Variants in CCNY observed in about 807,000 individuals in gnomAD.
CCNY encodes cyclin Y, also known as cyclin-Y.
CCNY carries 19 observed loss-of-function variants against 42.8 expected under a neutral mutation model. That is an observed-to-expected ratio of 0.44 (90% CI 0.31 to 0.65). The LOEUF (loss-of-function observed/expected upper bound fraction) is 0.65. Ranked by LOEUF, CCNY falls within the 30% of genes least tolerant of loss-of-function variation. The pLI is 0.07. For synonymous variants in CCNY, 165 were observed against 162.7 expected, an observed-to-expected ratio of 1.01 and a Z score of -0.11; for missense variants, 370 against 437.3, an observed-to-expected ratio of 0.85 and a Z score of 1.37.
chr10:35,520,369 C>G (rs1045762538), intron 4 of CCNY, among the ~76,000 whole-genome samples: 5 of 152,144 alleles, frequency 3.3e-5, no homozygotes, highest in Non-Finnish European at 7.3e-5. Context: ...AAGAAAACTC[C>G]TATTTTCTTT....
At chr10:35,341,007 C>A (rs1836168147) in intron 1 of CCNY, among the ~76,000 whole-genome samples, 1 of 152,308 alleles carries the variant, frequency 6.6e-6, no homozygotes, top group African/African-American at 2.4e-5. Flanking sequence ...CTGCTTCCAC[C>A]CTTGCCTGCT....
intron 1 of CCNY, among the ~76,000 whole-genome samples, chr10:35,359,512 A>T (rs5784448): frequency 0.016 from 2,011 of 126,720 alleles, 27 homozygotes; most frequent in African/African-American, 0.042. Flanking sequence ...TATTATTATT[A>T]TTTTTTTTTG....
intron 4 of CCNY, among the ~76,000 whole-genome samples, chr10:35,523,646 G>A (rs750383675): frequency 1.2e-4 from 18 of 152,180 alleles, no homozygotes; most frequent in Non-Finnish European, 2.4e-4. Flanking sequence ...TGATCTTGGG[G>A]CCCTGAAGAT....
chr10:35,324,621 G>A (rs1835858495), intron 3 of CCNY, among the ~76,000 whole-genome samples: 1 of 152,194 alleles, frequency 6.6e-6, no homozygotes, highest in African/African-American at 2.4e-5. Context: ...TAAGAGCTGA[G>A]ATGGGGGAAG....
At chr10:35,522,300 G>C (rs535053120) in intron 4 of CCNY, among the ~76,000 whole-genome samples, 58 of 152,134 alleles carry the variant, frequency 3.8e-4, no homozygotes, top group Non-Finnish European at 6.6e-4. Context: ...ACAGTTTCTG[G>C]GCCCCTGACT....
rs145227141 is a variant in CCNY at position 35,441,940 on chromosome 10, C to T, written c.155-41464C>T. ...GGCTGTATGATTTAAAATGATCATACTTAAGAGAATACCCATTGTTGTAAA... is the reference window on the plus strand; with the variant it reads ...GGCTGTATGATTTAAAATGATCATATTTAAGAGAATACCCATTGTTGTAAA... On this transcript the variant is annotated intron_variant, in intron 1 of 9. Transcript: ENST00000374704. Among the ~76,000 whole-genome samples the T allele has an allele frequency of 2.6e-5, 4 of 152,260 alleles. No individual in the cohort carries two copies. The East Asian group carries it at 7.7e-4, about 29-fold the overall frequency.
intron 1 of CCNY, among the ~76,000 whole-genome samples, chr10:35,466,822 G>C (rs990543151): frequency 6.6e-6 from 1 of 152,192 alleles, no homozygotes; most frequent in African/African-American, 2.4e-5. Context: ...ACCCAGGCTG[G>C]AATGTGGTGG....
intron 1 of CCNY, among the ~76,000 whole-genome samples, chr10:35,384,696 A>T (rs143242788): frequency 1.3e-5 from 2 of 151,998 alleles, no homozygotes; most frequent in African/African-American, 4.8e-5. Context: ...ATGTGTGGAG[A>T]TGACTCCAGG....
chr10:35,409,265 G>A (rs1837852204), intron 1 of CCNY, among the ~76,000 whole-genome samples: 1 of 152,200 alleles, frequency 6.6e-6, no homozygotes, highest in Non-Finnish European at 1.5e-5. Context: ...CAAGTTGCAA[G>A]CCAGTGAACT....
At chr10:35,544,123 T>G (rs918261145) in intron 7 of CCNY, among the ~76,000 whole-genome samples, 1 of 152,172 alleles carries the variant, frequency 6.6e-6, no homozygotes, top group African/African-American at 2.4e-5. Flanking sequence ...TTTCATAAAT[T>G]TAATAGAGCC....
chr10:35,430,887 C>T (rs1046460951), intron 1 of CCNY, among the ~76,000 whole-genome samples: 11 of 151,878 alleles, frequency 7.2e-5, no homozygotes, highest in South Asian at 2.1e-4. Context: ...GATCACGATC[C>T]GCGGGTGGAT....
chr10:35,267,443 T>C (rs758058843), intron 3 of CCNY, among the ~76,000 whole-genome samples: 14 of 152,218 alleles, frequency 9.2e-5, no homozygotes, highest in Middle Eastern at 3.2e-3. Context: ...GGCTGGCTCA[T>C]TCTTTTGTTG....
In CCNY at chr10:35,256,662, C is replaced by T. The variant is rs201392215; in HGVS notation, c.-9+6036C>T. On this transcript the variant is annotated intron_variant, in intron 3 of 11. Coordinates refer to the CCNY transcript ENST00000374706. ...CAGAGAACTGCTTGAACCCAGGAGG[C>T]GGAGGTTGCAGTGAGCTGAGATCGT... Among the ~76,000 whole-genome samples, 6 of 151,178 alleles carry T rather than the reference C, an allele frequency of 4.0e-5. No individual in the cohort carries two copies. In the East Asian group the frequency reaches 7.8e-4, roughly 20 times the overall value.
intron 1 of CCNY, among the ~76,000 whole-genome samples, chr10:35,349,758 T>A (rs115261617): frequency 6.6e-6 from 1 of 152,302 alleles, no homozygotes; most frequent in African/African-American, 2.4e-5. Flanking sequence ...CCAGATGCCA[T>A]GCCAGCTGCA....
In CCNY at chr10:35,276,728, C is replaced by T. The variant is rs77300716; in HGVS notation, c.-9+26102C>T. On this transcript the variant is annotated intron_variant, in intron 3 of 11. Coordinates refer to the CCNY transcript ENST00000374706. The stretch of plus-strand genomic sequence containing the variant: ...CAGTATCCCCTTTCATCAGCCCTGG[C>T]CTGCAGGGAACAGTCACTATGGAAC... 9.6e-3 allele frequency among the ~76,000 whole-genome samples: 1,456 copies of T among 152,326 alleles called. 11 individuals are homozygous for T. The highest frequency in any genetic ancestry group is 0.017 in the Non-Finnish European group (1,145 of 68,026).
chr10:35,283,403 GT>G lies in CCNY; in HGVS notation c.-9+32791del, dbSNP rs869225751. The stretch of plus-strand genomic sequence containing the variant: ...AGCTTATTGTACAAGTGTAAGGACA[GT>G]TTTTTTTTTTTTTAGAGACTGAGTC... On this transcript the variant is annotated intron_variant, in intron 3 of 11. Coordinates refer to the CCNY transcript ENST00000374706. Among the ~76,000 whole-genome samples, 778 of 144,038 alleles carry G rather than the reference GT, an allele frequency of 5.4e-3. 8 individuals carry two copies. In the East Asian group the frequency reaches 0.057, roughly 11 times the overall value. The allele number at this position is 144,038 out of a possible 152,430, so 94.5% of individuals were successfully genotyped here. A position where few individuals can be genotyped will look rare whatever the true frequency, so the allele number is the denominator to read the frequency against.
At chr10:35,516,654 T>C in intron 4 of CCNY, 31 bp downstream of exon 4, 1 of 959,258 alleles carries the variant, frequency 1.0e-6, no homozygotes. Context: ...CCTTCCTTCC[T>C]TCCTTCCTTT....
At chr10:35,484,659 T>C (rs1369849064) in intron 2 of CCNY, among the ~76,000 whole-genome samples, 1 of 152,028 alleles carries the variant, frequency 6.6e-6, no homozygotes, top group East Asian at 1.9e-4. Flanking sequence ...AGGAGAGTGG[T>C]AGTGAAGATG....
chr10:35,308,685 T>C (rs1253798150), intron 3 of CCNY, among the ~76,000 whole-genome samples: 1 of 152,068 alleles, frequency 6.6e-6, no homozygotes, highest in Non-Finnish European at 1.5e-5. Context: ...GAGTGACATA[T>C]ATAATGTGAG....
Sources: gnomAD v4.1 joint callset for allele counts (sites outside exome capture counted in the v4.1 genomes callset) on GRCh38, gnomAD v4.1.1 for gene constraint, MANE v1.5 for transcripts, NCBI Gene and HGNC (gene_info 2026-07-23, HGNC 2026-07-21) for gene names.